MPDZ: variants seen among roughly 807,000 people sequenced by gnomAD.
The protein encoded by MPDZ is multiple PDZ domain protein.
A neutral mutation model predicts 239.1 loss-of-function variants in MPDZ; 234 were observed. The observed-to-expected ratio is 0.98, with a 90% CI of 0.88 to 1.09. MPDZ has a LOEUF of 1.09. Among genes scored for constraint, MPDZ ranks in the 50% least tolerant of loss-of-function variants. The probability of loss-of-function intolerance (pLI) is 0.00; values close to 1 mark genes in which losing one functional copy is unlikely to be tolerated. For missense variants in MPDZ, 3,175 were observed against 2,510.0 expected, an observed-to-expected ratio of 1.26 and a Z score of -5.66; for synonymous variants, 1,048 against 881.3, an observed-to-expected ratio of 1.19 and a Z score of -3.35.
Position 13,192,242 on chromosome 9 carries a change from T to G in MPDZ, c.1857A>C (p.Leu619Phe). The G allele has an allele frequency of 6.2e-7, 1 of 1,606,456 alleles. No individual in the cohort carries two copies. The highest frequency in any genetic ancestry group is 8.5e-7 in the Non-Finnish European group (1 of 1,175,792). The change falls in exon 15 of 47, where the codon TTA becomes TTC. Residue 619 changes from leucine (L) to phenylalanine (F), a missense_variant. Leu to Phe is a conservative substitution (Grantham distance 22). Transcript: ENST00000319217. Reference protein sequence around the residue: ...GENHQDVVNILKELPIEVTMV... With the variant: ...GENHQDVVNIFKELPIEVTMV... ...TTGTCACTTCTATAGGCAGTTCTTTTAAGATATTCACCACATCTTGGTGAT... is the reference window on the plus strand; with the variant it reads ...TTGTCACTTCTATAGGCAGTTCTTTGAAGATATTCACCACATCTTGGTGAT...
chr9:13,240,111 AAAC>A, intron 3 of MPDZ, among the ~76,000 whole-genome samples: 2 of 152,218 alleles, frequency 1.3e-5, no homozygotes, highest in East Asian at 3.9e-4. Context: ...AAATTTAAAC[AAAC>A]AACATGTTAG....
chr9:13,190,177 G>T lies in MPDZ; in HGVS notation c.2091C>A (p.Gly697=). Residue 697 remains glycine (G), a synonymous_variant, in exon 16 of 47, where the codon GGC becomes GGA. Coordinates refer to ENST00000319217, the MANE Select transcript of MPDZ (RefSeq NM_001378778.1). ...CTTTCTCCAGCTCTATGTGCTGAATGCCAGCCTCCCACATGGCCAAAGGTG... is the reference window on the plus strand; with the variant it reads ...CTTTCTCCAGCTCTATGTGCTGAATTCCAGCCTCCCACATGGCCAAAGGTG... ...VQAPLAMWEA[G]IQHIELEKGS... is the part of the protein sequence containing the mutation. 6.2e-7 allele frequency: 1 copy of T among 1,613,246 alleles called. No homozygotes were observed. The highest frequency in any genetic ancestry group is 8.5e-7 in the Non-Finnish European group (1 of 1,179,546).
intron 1 of MPDZ, among the ~76,000 whole-genome samples, chr9:13,258,463 A>G (rs1456360125): frequency 2.0e-5 from 3 of 152,220 alleles, no homozygotes; most frequent in East Asian, 1.9e-4. Context: ...TACCATTTCT[A>G]TCATTCATAG....
intron 23 of MPDZ, 25 bp downstream of exon 23, chr9:13,162,666 G>T: frequency 6.8e-7 from 1 of 1,472,042 alleles, no homozygotes; most frequent in Non-Finnish European, 9.5e-7. Flanking sequence ...ACCATTCATT[G>T]TATTAGATTT....
At chr9:13,157,119 T>C (rs1360731348) in intron 24 of MPDZ, among the ~76,000 whole-genome samples, 2 of 152,204 alleles carry the variant, frequency 1.3e-5, no homozygotes, top group Non-Finnish European at 2.9e-5. Flanking sequence ...TAAATTGCAC[T>C]GGCATTTACG....
chr9:13,167,558 C>A (rs957500311), intron 22 of MPDZ, among the ~76,000 whole-genome samples: 3 of 151,986 alleles, frequency 2.0e-5, no homozygotes, highest in African/African-American at 7.2e-5. Context: ...ACAAAAAAGT[C>A]CCCCATACTA....
At position 13,216,774 on chromosome 9, in the gene MPDZ, T is replaced by C. The variant is rs768279408; in HGVS notation, c.1290A>G (p.Ala430=). The stretch of plus-strand genomic sequence containing the variant: ...AGCTATTGTTAAATGTGTAACTTAC[T>C]GCTATAATTTGGTCTCCAATTTGGA... The part of the protein sequence containing the change: ...GRIQIGDQII[A]VDGTNLQGFT... The change falls in exon 10 of 47, where the codon GCA becomes GCG. Residue 430 remains alanine (A), a splice_region_variant and synonymous_variant. Transcript: ENST00000319217. 14 of 1,595,702 alleles carry C rather than the reference T, an allele frequency of 8.8e-6. No homozygotes were observed. In the African/African-American group the frequency reaches 1.7e-4, roughly 20 times the overall value.
At chr9:13,141,341 T>C (rs1480898629) in intron 27 of MPDZ, among the ~76,000 whole-genome samples, 2 of 152,154 alleles carry the variant, frequency 1.3e-5, no homozygotes, top group Non-Finnish European at 2.9e-5. Flanking sequence ...ACAGTGGTAC[T>C]AGACTTCTTT....
chr9:13,124,771 GATAAT>G (rs1563849551), intron 35 of MPDZ, among the ~76,000 whole-genome samples: 3 of 152,072 alleles, frequency 2.0e-5, no homozygotes, highest in African/African-American at 7.2e-5. Context: ...TATGAAATAG[GATAAT>G]TGCATATCCA....
In MPDZ at chr9:13,126,492, ATTTAC is replaced by A. The variant is rs1317967289; in HGVS notation, c.4632+19_4632+23del. ...TGCCCAAGGATGGGCCTACATTACC[ATTTAC>A]TTTATTTTGGAAAATTACCTTTTCA... On this transcript the variant is annotated intron_variant, in intron 34 of 46. Transcript: ENST00000319217. 1.3e-6 allele frequency: 2 copies of A among 1,512,826 alleles called. No homozygotes were observed. The highest frequency in any genetic ancestry group is 2.8e-5 in the African/African-American group (2 of 72,268). The allele number at this position is 1,512,826 out of a possible 1,614,324, so 93.7% of individuals were successfully genotyped here. A position where few individuals can be genotyped will look rare whatever the true frequency, so the allele number is the denominator to read the frequency against.
chr9:13,274,279 T>C (rs1163006945), intron 1 of MPDZ, among the ~76,000 whole-genome samples: 2 of 152,018 alleles, frequency 1.3e-5, no homozygotes, highest in African/African-American at 2.4e-5. Context: ...GTAGTTGATG[T>C]TACTGGGTTT....
intron 34 of MPDZ, among the ~76,000 whole-genome samples, chr9:13,125,865 T>C (rs78715651): frequency 0.036 from 5,538 of 152,214 alleles, 350 homozygotes; most frequent in African/African-American, 0.13. Context: ...CACAGATTTA[T>C]GGGTTAAAGG....
At chr9:13,182,168 C>T (rs1279694143) in intron 19 of MPDZ, among the ~76,000 whole-genome samples, 1 of 152,064 alleles carries the variant, frequency 6.6e-6, no homozygotes, top group African/African-American at 2.4e-5. Flanking sequence ...TTCATAAATA[C>T]CCCTTCCCAT....
chr9:13,142,931 C>A (rs1587188459), intron 27 of MPDZ, among the ~76,000 whole-genome samples: 1 of 151,932 alleles, frequency 6.6e-6, no homozygotes. Flanking sequence ...ATGAGAAGAT[C>A]CAAGTATAGA....
At chr9:13,167,867 T>C (rs937373441) in intron 22 of MPDZ, among the ~76,000 whole-genome samples, 3 of 152,142 alleles carry the variant, frequency 2.0e-5, no homozygotes, top group Admixed American at 6.6e-5. Context: ...TATCAACATA[T>C]TGGTCTATCC....
chr9:13,253,316 T>C (rs1372830754), intron 1 of MPDZ, among the ~76,000 whole-genome samples: 12 of 152,092 alleles, frequency 7.9e-5, no homozygotes, highest in African/African-American at 7.2e-5. Context: ...TTTTCTATGC[T>C]TGGATGTCCC....
chr9:13,264,068 G>A (rs576065686), intron 1 of MPDZ, among the ~76,000 whole-genome samples: 21 of 152,070 alleles, frequency 1.4e-4, no homozygotes, highest in Non-Finnish European at 2.9e-4. Context: ...TTCTAATGGA[G>A]GGAGTGAAGC....
intron 8 of MPDZ, among the ~76,000 whole-genome samples, chr9:13,217,657 T>G (rs1307981803): frequency 1.3e-5 from 2 of 151,890 alleles, no homozygotes; most frequent in African/African-American, 2.4e-5. Context: ...CTGAAAGAAC[T>G]AATGTTATGA....
chr9:13,194,408 A>C (rs750690182), intron 13 of MPDZ, among the ~76,000 whole-genome samples: 13 of 152,110 alleles, frequency 8.5e-5, no homozygotes, highest in Non-Finnish European at 1.2e-4. Context: ...GACATGGATG[A>C]AGCTAGAAGC....
Sources: gnomAD v4.1 joint callset for allele counts (sites outside exome capture counted in the v4.1 genomes callset) on GRCh38, gnomAD v4.1.1 for gene constraint, MANE v1.5 for transcripts, NCBI Gene and HGNC (gene_info 2026-07-23, HGNC 2026-07-21) for gene names.